The following EYS variants were observed in gnomAD, a reference collection of about 807,000 sequenced individuals.
EYS encodes the protein EGF-like photoreceptor maintenance factor, also known as protein eyes shut homolog.
EYS carries 250 observed loss-of-function variants against 282.1 expected under a neutral mutation model. That is an observed-to-expected ratio of 0.89 (90% CI 0.80 to 0.98). The LOEUF (loss-of-function observed/expected upper bound fraction) is 0.98. Among genes scored for constraint, EYS ranks in the 50% least tolerant of loss-of-function variants. EYS has a pLI of 0.00. For missense variants in EYS, 4,016 were observed against 3,709.0 expected (o/e 1.08, Z -2.15); for synonymous variants, 1,355 against 1,282.9 (o/e 1.06, Z -1.20).
intron 2 of EYS, among the ~76,000 whole-genome samples, chr6:65,574,257 T>C (rs1420212685): frequency 6.6e-6 from 1 of 151,914 alleles, no homozygotes; most frequent in Non-Finnish European, 1.5e-5. Flanking sequence ...AACAAATATC[T>C]AGGTACAGGA....
chr6:65,068,231 A>AT lies in EYS; in HGVS notation c.2024-10505dup, dbSNP rs550284695. Among the ~76,000 whole-genome samples the AT allele has an allele frequency of 2.6e-3, 403 of 152,210 alleles. 1 individual carries two copies. Among genetic ancestry groups the AT allele is most frequent in the African/African-American group, 9.2e-3 (384 of 41,554 alleles). ...TCAGTGCATTTCTCATTTTCTCAAC[A>AT]TTCTACTTTCCAACGGAGTCGAATG... is the stretch of plus-strand genomic sequence containing the variant. On this transcript the variant is annotated intron_variant, in intron 12 of 42. Transcript: ENST00000503581.
chr6:64,006,430 CAGAG>C (rs1010339237), intron 33 of EYS, among the ~76,000 whole-genome samples: 1 of 152,060 alleles, frequency 6.6e-6, no homozygotes, highest in Non-Finnish European at 1.5e-5. Flanking sequence ...CAATTGTCTG[CAGAG>C]AGAGAGAGTT....
At chr6:64,716,004 G>T (rs1385543513) in intron 22 of EYS, among the ~76,000 whole-genome samples, 6 of 152,208 alleles carry the variant, frequency 3.9e-5, no homozygotes, top group Non-Finnish European at 8.8e-5. Flanking sequence ...CCTAACTTCT[G>T]CAGATAAAAG....
chr6:64,863,871 GC>G (rs1766329066), intron 19 of EYS, among the ~76,000 whole-genome samples: 1 of 152,092 alleles, frequency 6.6e-6, no homozygotes, highest in Non-Finnish European at 1.5e-5. Flanking sequence ...CTGAGAAGCT[GC>G]CTCCTTTCTA....
At chr6:63,771,643 G>A (rs557311645) in intron 40 of EYS, among the ~76,000 whole-genome samples, 1 of 152,252 alleles carries the variant, frequency 6.6e-6, no homozygotes, top group East Asian at 1.9e-4. Context: ...GGGTCTGGTA[G>A]AAAGTAACTG....
chr6:63,927,265 A>G (rs1202002228), intron 35 of EYS, among the ~76,000 whole-genome samples: 1 of 152,216 alleles, frequency 6.6e-6, no homozygotes, highest in African/African-American at 2.4e-5. Context: ...ACTAATCAGG[A>G]TCCTGCACTT....
At chr6:64,512,492 G>C (rs1188575931) in intron 26 of EYS, among the ~76,000 whole-genome samples, 2 of 151,952 alleles carry the variant, frequency 1.3e-5, no homozygotes, top group South Asian at 2.1e-4. Context: ...CCAGGGGAAG[G>C]GGGAGGGGGC....
chr6:65,630,230 G>C (rs1220835445), intron 2 of EYS, among the ~76,000 whole-genome samples: 3 of 152,140 alleles, frequency 2.0e-5, no homozygotes, highest in Non-Finnish European at 2.9e-5. Context: ...ATTTGGTAGG[G>C]GAAAGGGGAT....
chr6:65,425,519 G>A (rs1767625832), intron 5 of EYS, among the ~76,000 whole-genome samples: 1 of 152,014 alleles, frequency 6.6e-6, no homozygotes, highest in South Asian at 2.1e-4. Context: ...AATTGTTGGG[G>A]AGGCTATCTT....
chr6:64,582,983 G>A (rs1349017745), intron 26 of EYS, among the ~76,000 whole-genome samples: 1 of 152,120 alleles, frequency 6.6e-6, no homozygotes, highest in East Asian at 1.9e-4. Context: ...ATTCATTGCT[G>A]GGTTAGTTCC....
chr6:64,402,559 C>G (rs1323632843), intron 28 of EYS, among the ~76,000 whole-genome samples: 1 of 152,190 alleles, frequency 6.6e-6, no homozygotes, highest in African/African-American at 2.4e-5. Flanking sequence ...CAGATTGCTT[C>G]TGGTCTTTAT....
At chr6:63,845,404 G>C (rs200115802) in intron 36 of EYS, among the ~76,000 whole-genome samples, 1 of 137,528 alleles carries the variant, frequency 7.3e-6, no homozygotes, top group Admixed American at 7.2e-5. Flanking sequence ...TTTTTTTTTG[G>C]TTAATAAAAC....
intron 12 of EYS, among the ~76,000 whole-genome samples, chr6:65,293,055 A>C (rs973963069): frequency 6.6e-6 from 1 of 151,680 alleles, no homozygotes; most frequent in African/African-American, 2.4e-5. Context: ...TGGGCTTGAT[A>C]TTGTCTAAGA....
At chr6:64,602,921 A>C (rs1365880198) in intron 24 of EYS, among the ~76,000 whole-genome samples, 3 of 152,032 alleles carry the variant, frequency 2.0e-5, no homozygotes, top group Non-Finnish European at 2.9e-5. Flanking sequence ...GGGACTAATA[A>C]AAACAGAGCC....
chr6:64,782,275 A>AATC (rs1235853021), intron 22 of EYS, among the ~76,000 whole-genome samples: 1 of 152,226 alleles, frequency 6.6e-6, no homozygotes, highest in African/African-American at 2.4e-5. Flanking sequence ...TACAATTGAT[A>AATC]ATCACACTGT....
At chr6:64,142,976 CAATG>C (rs1340527128) in intron 31 of EYS, among the ~76,000 whole-genome samples, 4 of 152,146 alleles carry the variant, frequency 2.6e-5, no homozygotes, top group Admixed American at 1.3e-4. Context: ...TATATCCAAA[CAATG>C]AATATTATTC....
chr6:64,793,937 T>C (rs1774267943), intron 22 of EYS, among the ~76,000 whole-genome samples: 1 of 152,170 alleles, frequency 6.6e-6, no homozygotes, highest in Admixed American at 6.5e-5. Context: ...TCAGGATCTC[T>C]AGAACTTATT....
chr6:65,029,589 C>A (rs1772533710), intron 13 of EYS, among the ~76,000 whole-genome samples: 1 of 152,082 alleles, frequency 6.6e-6, no homozygotes, highest in South Asian at 2.1e-4. Context: ...GCCTCTGCCA[C>A]CCCCAAGACA....
intron 28 of EYS, among the ~76,000 whole-genome samples, chr6:64,411,724 T>C (rs370934837): frequency 2.6e-5 from 4 of 152,170 alleles, no homozygotes; most frequent in African/African-American, 9.6e-5. Flanking sequence ...GGCTTGCACT[T>C]GTAGTCCTAG....
Sources: allele counts gnomAD v4.1 joint callset (sites outside exome capture counted in the v4.1 genomes callset), GRCh38; gene constraint gnomAD v4.1.1; transcripts MANE v1.5; gene names NCBI Gene and HGNC (gene_info 2026-07-23, HGNC 2026-07-21).